DHX16: variants seen among roughly 807,000 people sequenced by gnomAD.
DHX16 encodes pre-mRNA-splicing factor ATP-dependent RNA helicase DHX16.
DHX16 carries 81 observed loss-of-function variants against 131.2 expected under a neutral mutation model. The ratio of observed to expected loss-of-function variants is 0.62; its 90% CI spans 0.52 to 0.74. The LOEUF is 0.74. Among genes scored for constraint, DHX16 ranks in the 30% least tolerant of loss-of-function variants. The pLI is 0.00. For synonymous variants in DHX16, 440 were observed against 520.2 expected, an observed-to-expected ratio of 0.85 and a Z score of 2.10; for missense variants, 980 against 1,363.1, an observed-to-expected ratio of 0.72 and a Z score of 4.43.
At chr6:30,663,128 A>C in intron 7 of DHX16, 107 bp from the exon 8 acceptor site, 1 of 890,800 alleles carries the variant, frequency 1.1e-6, no homozygotes, top group Non-Finnish European at 1.7e-6. Context: ...GGAGAAAAGG[A>C]GGAAAAGACA....
At position 30,662,174 on chromosome 6, in the gene DHX16, G is replaced by A. The variant is rs149806551; in HGVS notation, c.1544+453C>T. 6.7e-6 allele frequency among the ~76,000 whole-genome samples: 1 copy of A among 149,452 alleles called. No homozygotes were observed. The highest frequency in any genetic ancestry group is 1.5e-5 in the Non-Finnish European group (1 of 66,726). On this transcript the variant is annotated intron_variant, in intron 9 of 19. Coordinates refer to ENST00000376442, the MANE Select transcript of DHX16 (RefSeq NM_003587.5). This position sits in a 1 kb window ranked among gnomAD's most constrained non-coding sequence, Gnocchi z 4.7. ...CAGGCCCTGCAATCTCCACCACTCT[G>A]AGGGTTACTCAGCCATTGGTATTGA...
At position 30,665,490 on chromosome 6, in the gene DHX16, T is replaced by A; in HGVS notation, c.910A>T (p.Thr304Ser). 6.2e-7 allele frequency: 1 copy of A among 1,612,730 alleles called. No homozygotes were observed. Among genetic ancestry groups the A allele is most frequent in the Non-Finnish European group, 8.5e-7 (1 of 1,179,818 alleles). ...ATNRYHMPKE[T>S]RGQPARAVDL... is the part of the protein sequence containing the mutation. ...CCGCTTCACCTCACCTGTCCTCGGG[T>A]TTCCTTGGGCATGTGGTAGCGATTG... is the stretch of plus-strand genomic sequence containing the variant. The change falls in exon 5 of 20, where the codon ACC becomes TCC. Residue 304 changes from threonine (T) to serine (S), a missense_variant. Physicochemically the swap from Thr to Ser is moderately conservative, Grantham distance 58. Transcript: ENST00000376442. This position sits in a 1 kb window ranked among gnomAD's most constrained non-coding sequence, Gnocchi z 4.8.
At chr6:30,657,966 A>C (rs1309006315) in intron 12 of DHX16, among the ~76,000 whole-genome samples, 1 of 152,224 alleles carries the variant, frequency 6.6e-6, no homozygotes, top group African/African-American at 2.4e-5. Flanking sequence ...CCACAAGTGC[A>C]AGTTTGTTAG....
chr6:30,668,746 T>G (rs1233188611), intron 4 of DHX16, among the ~76,000 whole-genome samples: 2 of 152,102 alleles, frequency 1.3e-5, no homozygotes, highest in Non-Finnish European at 2.9e-5. Context: ...CACAGTCAAT[T>G]TCAGGAAGAG....
Position 30,665,279 on chromosome 6 carries a change from A to AG in DHX16, c.922-6dup. ...TAGATCCACAGCTCGGGCTGGCTACAGAGAGAGGGGATATGTGAAGACTCA... is the reference window on the plus strand; with the variant it reads ...TAGATCCACAGCTCGGGCTGGCTACAGGAGAGAGGGGATATGTGAAGACTCA... On this transcript the variant is annotated splice_polypyrimidine_tract_variant and splice_region_variant and intron_variant, in intron 5 of 19. Transcript: ENST00000376442. This position sits in a 1 kb window ranked among gnomAD's most constrained non-coding sequence, Gnocchi z 4.8. The AG allele has an allele frequency of 6.2e-7, 1 of 1,601,610 alleles. No individual in the cohort carries two copies. Among genetic ancestry groups the AG allele is most frequent in the Non-Finnish European group, 8.5e-7 (1 of 1,179,432 alleles).
At chr6:30,657,299 G>A (rs1427437857) in intron 12 of DHX16, among the ~76,000 whole-genome samples, 1 of 151,838 alleles carries the variant, frequency 6.6e-6, no homozygotes, top group Non-Finnish European at 1.5e-5. Context: ...GGCCATAGGA[G>A]GAAAGGAAAT....
intron 4 of DHX16, among the ~76,000 whole-genome samples, chr6:30,667,074 T>C (rs913552462): frequency 2.0e-5 from 3 of 152,068 alleles, no homozygotes; most frequent in African/African-American, 7.2e-5. Flanking sequence ...TGAGTCCAAT[T>C]TGACACACAC....
chr6:30,669,015 G>A (rs1191959423), intron 4 of DHX16, among the ~76,000 whole-genome samples: 1 of 152,024 alleles, frequency 6.6e-6, no homozygotes, highest in Non-Finnish European at 1.5e-5. Flanking sequence ...TGAGGCAGGA[G>A]AATCGCTTGA....
In DHX16 at chr6:30,665,460, A is replaced by G. The variant is rs1486600590; in HGVS notation, c.921+19T>C. ...TTGTCTTGGGGACCAAGGCTGAAGC[A>G]GACGCCGCTTCACCTCACCTGTCCT... is the stretch of plus-strand genomic sequence containing the variant. On this transcript the variant is annotated intron_variant, in intron 5 of 19. Transcript: ENST00000376442. This position sits in a 1 kb window ranked among gnomAD's most constrained non-coding sequence, Gnocchi z 4.8. The G allele has an allele frequency of 1.2e-6, 2 of 1,607,096 alleles. No homozygotes were observed. Among genetic ancestry groups the G allele is most frequent in the East Asian group, 4.5e-5 (2 of 44,770 alleles).
rs753557979 is a variant in DHX16 at position 30,659,463 on chromosome 6, C to A, written c.2007+9G>T. On this transcript the variant is annotated intron_variant, in intron 12 of 19. Coordinates refer to ENST00000376442, the MANE Select transcript of DHX16 (RefSeq NM_003587.5). ...ATAGGGGTGAAGAGTGTGGGTTTCT[C>A]CAACTGACCTTTCGTGCCCCAGGTG... 1.9e-6 allele frequency: 3 copies of A among 1,579,978 alleles called. No individual in the cohort carries two copies. Among genetic ancestry groups the A allele is most frequent in the Non-Finnish European group, 1.7e-6 (2 of 1,163,392 alleles).
chr6:30,655,741 T>C lies in DHX16; in HGVS notation c.2499-144A>G, dbSNP rs1386521061. ...TAATGGCTACAAAGCAGCCAGCAGA[T>C]AGATTCTGGCAGCAGCTTGGGGGTC... On this transcript the variant is annotated intron_variant, in intron 16 of 19. Coordinates refer to ENST00000376442, the MANE Select transcript of DHX16 (RefSeq NM_003587.5). 9 of 897,510 alleles carry C rather than the reference T, an allele frequency of 1.0e-5. No individual in the cohort carries two copies. The Admixed American group carries it at 1.3e-4, about 13-fold the overall frequency. 55.6% of individuals were successfully genotyped at this position (897,510 alleles called of 1,614,324 possible).
Position 30,656,352 on chromosome 6 carries a change from C to T in DHX16, c.2430+39G>A. 6.2e-7 allele frequency: 1 copy of T among 1,611,350 alleles called. No individual in the cohort carries two copies. The highest frequency in any genetic ancestry group is 8.5e-7 in the Non-Finnish European group (1 of 1,177,726). On this transcript the variant is annotated intron_variant, in intron 15 of 19. Coordinates refer to ENST00000376442, the MANE Select transcript of DHX16 (RefSeq NM_003587.5). The surrounding 1 kb of genome is among the most constrained non-coding windows in gnomAD (Gnocchi z 5.1). ...GGGGTCCCTGGAGCCATCCTGACCCCTATCATCCTGCCTCCACCCATGCTG... is the reference window on the plus strand; with the variant it reads ...GGGGTCCCTGGAGCCATCCTGACCCTTATCATCCTGCCTCCACCCATGCTG...
At chr6:30,659,882 C>A in intron 10 of DHX16, 48 bp from the exon 11 acceptor site, 1 of 1,587,510 alleles carries the variant, frequency 6.3e-7, no homozygotes. Flanking sequence ...CCTGCTTAGG[C>A]AAACCTTTCC....
At position 30,662,879 on chromosome 6, in the gene DHX16, G is replaced by A. The variant is rs773242565; in HGVS notation, c.1428+32C>T. 1 of 1,599,726 alleles carries A rather than the reference G, an allele frequency of 6.3e-7. No homozygotes were observed. Among genetic ancestry groups the A allele is most frequent in the Admixed American group, 1.7e-5 (1 of 60,008 alleles). On this transcript the variant is annotated intron_variant, in intron 8 of 19. Coordinates refer to ENST00000376442, the MANE Select transcript of DHX16 (RefSeq NM_003587.5). The surrounding 1 kb of genome is among the most constrained non-coding windows in gnomAD (Gnocchi z 4.7). Reference sequence around the variant, plus strand: ...ACTGTAGACTGAGTCACAGACCCCAGACTCTACCCCCCGGTTCCCTAGAAA... The same window carrying A: ...ACTGTAGACTGAGTCACAGACCCCAAACTCTACCCCCCGGTTCCCTAGAAA...
rs1319045648 is a variant in DHX16 at position 30,659,818 on chromosome 6, T to C, written c.1772A>G (p.Tyr591Cys). 1.9e-6 allele frequency: 3 copies of C among 1,614,154 alleles called. No individual in the cohort carries two copies. Among genetic ancestry groups the C allele is most frequent in the African/African-American group, 1.3e-5 (1 of 75,038 alleles). Reference protein sequence around the residue: ...IFYTKAPEADYLEACVVSVLQ... With the variant: ...IFYTKAPEADCLEACVVSVLQ... ...CACAGATACTACACAAGCTTCCAAG[T>C]AGTCAGCCTCTGGAGCCTGGAGAGC... is the stretch of plus-strand genomic sequence containing the variant. The change falls in exon 11 of 20, where the codon TAC (tyrosine) becomes TGC (cysteine). Residue 591 changes from tyrosine (Y) to cysteine (C), a missense_variant. Transcript: ENST00000376442.
In DHX16 at chr6:30,656,392, G is replaced by A. The variant is rs375251870; in HGVS notation, c.2429C>T (p.Thr810Met). Residue 810 changes from threonine (T) to methionine (M), a missense_variant and splice_region_variant, in exon 15 of 20, where the codon ACG becomes ATG. Thr to Met is a moderately conservative substitution (Grantham distance 81). Transcript: ENST00000376442. The surrounding 1 kb of genome is among the most constrained non-coding windows in gnomAD (Gnocchi z 5.1). Reference protein sequence around the residue: ...GALNHLGELTTSGRKMAELPV... With the variant: ...GALNHLGELTMSGRKMAELPV... Reference sequence around the variant, plus strand: ...CACCCATGCTGTCCCCCGACTCACCGTGGTGAGCTCCCCAAGGTGGTTGAG... The same window carrying A: ...CACCCATGCTGTCCCCCGACTCACCATGGTGAGCTCCCCAAGGTGGTTGAG... The A allele has an allele frequency of 5.8e-5, 93 of 1,613,432 alleles. 1 individual carries two copies. The highest frequency in any genetic ancestry group is 3.3e-4 in the East Asian group (15 of 44,876).
chr6:30,671,598 G>A (rs1186074394), intron 1 of DHX16, among the ~76,000 whole-genome samples: 1 of 152,000 alleles, frequency 6.6e-6, no homozygotes, highest in Non-Finnish European at 1.5e-5. Context: ...ACTCACCTCA[G>A]CCTCCCAAAG....
Position 30,655,350 on chromosome 6 carries a change from TAAAAAG to T in DHX16, c.2662-20_2662-15del. 6.2e-7 allele frequency: 1 copy of T among 1,613,762 alleles called. No individual in the cohort carries two copies. Among genetic ancestry groups the T allele is most frequent in the Non-Finnish European group, 8.5e-7 (1 of 1,179,758 alleles). ...ACTCTCAGCCCACTGGGAAGACAGT[TAAAAAG>T]AAAGGAGAGATAATTAAGTATACAG... On this transcript the variant is annotated splice_polypyrimidine_tract_variant and intron_variant, in intron 17 of 19. Transcript: ENST00000376442.
intron 4 of DHX16, among the ~76,000 whole-genome samples, chr6:30,666,093 C>A (rs779115388): frequency 1.3e-5 from 2 of 152,114 alleles, no homozygotes; most frequent in Non-Finnish European, 2.9e-5. Context: ...AAAGGCTAAT[C>A]CAGCATTTAG....
Sources: gnomAD v4.1 joint callset for allele counts (sites outside exome capture counted in the v4.1 genomes callset) on GRCh38, gnomAD v4.1.1 for gene constraint, Gnocchi (gnomAD v3.1) non-coding constraint, MANE v1.5 for transcripts, NCBI Gene and HGNC (gene_info 2026-07-23, HGNC 2026-07-21) for gene names.